ITGBL1: variants seen among roughly 807,000 people sequenced by gnomAD.
ITGBL1 encodes integrin beta-like protein 1.
Under a neutral mutation model 68.5 loss-of-function variants are expected in ITGBL1, and 51 were observed. That is an observed-to-expected ratio of 0.74 (90% CI 0.59 to 0.94). The LOEUF (loss-of-function observed/expected upper bound fraction) is 0.94. Ranked by LOEUF, ITGBL1 falls within the 40% of genes least tolerant of loss-of-function variation. The pLI is 0.00. For synonymous variants in ITGBL1, 209 were observed against 227.3 expected (o/e 0.92, Z 0.72); for missense variants, 649 against 647.4 (o/e 1.00, Z -0.03).
At chr13:101,481,509 A>G (rs577533563) in intron 2 of ITGBL1, among the ~76,000 whole-genome samples, 25 of 152,076 alleles carry the variant, frequency 1.6e-4, no homozygotes, top group Non-Finnish European at 1.9e-4. Flanking sequence ...AAATGTAACT[A>G]GTTATGGACT....
intron 2 of ITGBL1, among the ~76,000 whole-genome samples, chr13:101,507,827 A>G (rs961203194): frequency 6.6e-6 from 1 of 152,214 alleles, no homozygotes; most frequent in African/African-American, 2.4e-5. Flanking sequence ...ATAACTTCAC[A>G]TTTATCCTGT....
intron 2 of ITGBL1, among the ~76,000 whole-genome samples, chr13:101,558,625 A>T (rs1391140839): frequency 6.6e-6 from 1 of 152,118 alleles, no homozygotes; most frequent in African/African-American, 2.4e-5. Context: ...ATTATCATGG[A>T]TTCTCTGGTA....
intron 8 of ITGBL1, among the ~76,000 whole-genome samples, chr13:101,701,812 A>C (rs1393398204): frequency 6.6e-6 from 1 of 152,112 alleles, no homozygotes; most frequent in Non-Finnish European, 1.5e-5. Context: ...CAGAAGCTGG[A>C]ATGGTGATTT....
intron 2 of ITGBL1, among the ~76,000 whole-genome samples, chr13:101,460,801 G>A (rs1332650377): frequency 6.6e-6 from 1 of 152,124 alleles, no homozygotes; most frequent in South Asian, 2.1e-4. Context: ...TAGAGGGAGG[G>A]GTACCACATT....
intron 7 of ITGBL1, among the ~76,000 whole-genome samples, chr13:101,600,229 C>T (rs1052956494): frequency 1.3e-5 from 2 of 152,074 alleles, no homozygotes; most frequent in African/African-American, 4.8e-5. Flanking sequence ...CATGATTTGG[C>T]TCTCTGTTTG....
At chr13:101,491,687 AC>A (rs572259498) in intron 2 of ITGBL1, among the ~76,000 whole-genome samples, 415 of 152,316 alleles carry the variant, frequency 2.7e-3, no homozygotes, top group Non-Finnish European at 4.6e-3. Flanking sequence ...CAGGTTTGTT[AC>A]ATAGGTATAC....
At chr13:101,702,967 TA>T (rs1314862137) in intron 8 of ITGBL1, among the ~76,000 whole-genome samples, 1 of 152,176 alleles carries the variant, frequency 6.6e-6, no homozygotes, top group Non-Finnish European at 1.5e-5. Context: ...GATTTGTGGG[TA>T]AAAATGAGAA....
intron 7 of ITGBL1, among the ~76,000 whole-genome samples, chr13:101,602,777 A>G (rs1233358690): frequency 6.6e-6 from 1 of 152,016 alleles, no homozygotes; most frequent in Non-Finnish European, 1.5e-5. Context: ...CTTTGTCTCT[A>G]TGGACTTGTC....
At chr13:101,667,129 A>G (rs891871976) in intron 7 of ITGBL1, among the ~76,000 whole-genome samples, 1 of 152,210 alleles carries the variant, frequency 6.6e-6, no homozygotes, top group Non-Finnish European at 1.5e-5. Context: ...TTCAAAATTT[A>G]TGGTCCATTC....
intron 8 of ITGBL1, among the ~76,000 whole-genome samples, chr13:101,699,605 C>G (rs1318427436): frequency 6.6e-6 from 1 of 152,214 alleles, no homozygotes; most frequent in Non-Finnish European, 1.5e-5. Context: ...ATATTTGCTT[C>G]CCCTTCCACC....
chr13:101,463,157 T>A (rs1258209792), intron 2 of ITGBL1, among the ~76,000 whole-genome samples: 1 of 152,192 alleles, frequency 6.6e-6, no homozygotes, highest in East Asian at 1.9e-4. Context: ...TAGACACCCC[T>A]CTCCTACCCT....
At chr13:101,601,867 AT>A (rs2139336119) in intron 7 of ITGBL1, among the ~76,000 whole-genome samples, 1 of 152,186 alleles carries the variant, frequency 6.6e-6, no homozygotes, top group African/African-American at 2.4e-5. Flanking sequence ...TATGTGGTCA[AT>A]TTTGGAATAG....
intron 7 of ITGBL1, among the ~76,000 whole-genome samples, chr13:101,685,985 T>C (rs2033746503): frequency 6.6e-6 from 1 of 152,118 alleles, no homozygotes; most frequent in Non-Finnish European, 1.5e-5. Flanking sequence ...TTGGGGTCAT[T>C]GGAGACATTG....
At chr13:101,504,553 T>G (rs2139093497) in intron 2 of ITGBL1, among the ~76,000 whole-genome samples, 1 of 152,316 alleles carries the variant, frequency 6.6e-6, no homozygotes, top group East Asian at 1.9e-4. Context: ...CTATTATCCA[T>G]CCACAACTAA....
chr13:101,584,172 T>C (rs1051711450), intron 6 of ITGBL1, among the ~76,000 whole-genome samples: 2 of 152,188 alleles, frequency 1.3e-5, no homozygotes, highest in Admixed American at 6.5e-5. Flanking sequence ...TGTTAGGGAC[T>C]GAGTGACATC....
chr13:101,536,072 C>T (rs544502258), intron 2 of ITGBL1, among the ~76,000 whole-genome samples: 1 of 150,678 alleles, frequency 6.6e-6, no homozygotes, highest in Non-Finnish European at 1.5e-5. Context: ...TTAAATTATA[C>T]TTTAAGTTTT....
chr13:101,640,282 A>G (rs900122592), intron 7 of ITGBL1, among the ~76,000 whole-genome samples: 14 of 152,230 alleles, frequency 9.2e-5, no homozygotes, highest in Non-Finnish European at 4.4e-5. Context: ...TCAATTATTC[A>G]TGATAACACT....
chr13:101,650,620 C>CTT (rs55874443), intron 7 of ITGBL1, among the ~76,000 whole-genome samples: 1 of 137,414 alleles, frequency 7.3e-6, no homozygotes, highest in Admixed American at 7.2e-5. Flanking sequence ...TCTTTTTTTT[C>CTT]TTTTTTTTTT....
intron 9 of ITGBL1, chr13:101,710,796 C>T (rs567872147): frequency 6.6e-6 from 1 of 152,272 alleles, no homozygotes; most frequent in East Asian, 1.9e-4. Context: ...AAAGCTGTCA[C>T]CTCAGGAGAC....
Sources: gnomAD v4.1 joint callset for allele counts (sites outside exome capture counted in the v4.1 genomes callset) on GRCh38, gnomAD v4.1.1 for gene constraint, MANE v1.5 for transcripts, NCBI Gene and HGNC (gene_info 2026-07-23, HGNC 2026-07-21) for gene names.